The following ACKR2 variants were observed in gnomAD, a reference collection of about 807,000 sequenced individuals.
ACKR2 encodes atypical chemokine receptor 2.
For synonymous variants in ACKR2, 207 were observed against 192.2 expected (o/e 1.08, Z -0.64); for missense variants, 457 against 477.3 (o/e 0.96, Z 0.40).
chr3:42,865,181 A>T lies in ACKR2; in HGVS notation c.679A>T (p.Ile227Phe), dbSNP rs2088423321. 6.2e-7 allele frequency: 1 copy of T among 1,613,720 alleles called. No homozygotes were observed. The highest frequency in any genetic ancestry group is 1.1e-5 in the South Asian group (1 of 91,052). Residue 227 changes from isoleucine to phenylalanine, a missense_variant, in exon 3 of 3, where the codon ATC (isoleucine) becomes TTC (phenylalanine). By Grantham distance (21) the Ile-to-Phe change is conservative. Transcript: ENST00000422265. ...LGFLLPLLAM[I>F]FFYSRIGCVL... ...GTTTCTCCTTCCACTCCTTGCCATGATCTTCTTCTACTCCCGTATTGGTTG... is the reference window on the plus strand; with the variant it reads ...GTTTCTCCTTCCACTCCTTGCCATGTTCTTCTTCTACTCCCGTATTGGTTG...
chr3:42,822,813 CAAAAA>C (rs71072739), intron 2 of ACKR2, among the ~76,000 whole-genome samples: 6 of 81,892 alleles, frequency 7.3e-5, no homozygotes, highest in Non-Finnish European at 8.6e-5. Context: ...GACTCCAGCT[CAAAAA>C]AAAAAAAAAA....
intron 2 of ACKR2, among the ~76,000 whole-genome samples, chr3:42,828,100 T>A (rs1021150926): frequency 2.9e-5 from 4 of 136,764 alleles, no homozygotes; most frequent in African/African-American, 5.4e-5. Flanking sequence ...ATATTTTTTT[T>A]TTTTTCTTTT....
intron 2 of ACKR2, among the ~76,000 whole-genome samples, chr3:42,840,212 A>G (rs560435803): frequency 7.1e-6 from 1 of 140,302 alleles, no homozygotes; most frequent in South Asian, 2.4e-4. Flanking sequence ...GTGAGCTGAG[A>G]TCGCGCCAAT....
chr3:42,822,743 G>T (rs1307715159), intron 2 of ACKR2, among the ~76,000 whole-genome samples: 1 of 140,284 alleles, frequency 7.1e-6, no homozygotes, highest in Non-Finnish European at 1.5e-5. Context: ...TCCCAGCCCA[G>T]CTACTTGGGA....
chr3:42,821,644 T>C (rs2125604643), intron 2 of ACKR2, among the ~76,000 whole-genome samples: 1 of 152,278 alleles, frequency 6.6e-6, no homozygotes, highest in African/African-American at 2.4e-5. Flanking sequence ...CCTCTCTATC[T>C]TTTCTTTTTG....
intron 2 of ACKR2, among the ~76,000 whole-genome samples, chr3:42,822,867 C>CCAATCTG (rs1197469148): frequency 6.6e-6 from 1 of 150,704 alleles, no homozygotes; most frequent in East Asian, 1.9e-4. Flanking sequence ...AATTGTTATT[C>CCAATCTG]CAATCTGCCC....
intron 1 of ACKR2, among the ~76,000 whole-genome samples, chr3:42,812,768 C>T (rs1043677415): frequency 1.6e-5 from 2 of 121,734 alleles, no homozygotes; most frequent in African/African-American, 3.1e-5. Flanking sequence ...CTGACTTCAA[C>T]CTCCACCTCC....
chr3:42,817,385 G>T (rs182018718), intron 1 of ACKR2, among the ~76,000 whole-genome samples: 9 of 152,112 alleles, frequency 5.9e-5, no homozygotes, highest in African/African-American at 2.2e-4. Flanking sequence ...TTTTCACAGA[G>T]AGCATTGAAA....
chr3:42,842,693 G>A (rs1004542948), intron 2 of ACKR2, among the ~76,000 whole-genome samples: 2 of 152,138 alleles, frequency 1.3e-5, no homozygotes, highest in Non-Finnish European at 2.9e-5. Context: ...AGCAGGTTAT[G>A]AAATCAGTTA....
At chr3:42,838,099 T>G (rs1013456879) in intron 2 of ACKR2, among the ~76,000 whole-genome samples, 3 of 151,896 alleles carry the variant, frequency 2.0e-5, no homozygotes, top group African/African-American at 7.3e-5. Context: ...GGAGAAAACA[T>G]AAGAGAAAAA....
chr3:42,834,092 G>C (rs1700960630), intron 2 of ACKR2, among the ~76,000 whole-genome samples: 1 of 152,138 alleles, frequency 6.6e-6, no homozygotes, highest in Non-Finnish European at 1.5e-5. Context: ...CCGAGTAGCT[G>C]GGATTACAGG....
chr3:42,841,183 A>G lies in ACKR2; in HGVS notation c.-38+21472A>G, dbSNP rs117768397. 7.5e-4 allele frequency among the ~76,000 whole-genome samples: 114 copies of G among 152,376 alleles called. No homozygotes were observed. In the East Asian group the frequency reaches 0.02, roughly 27 times the overall value. ...CCAAGTTTTAAAAAAATTATAGTAT[A>G]GCGTGTGCTATTTATGTGTATCTTT... is the stretch of plus-strand genomic sequence containing the variant. On this transcript the variant is annotated intron_variant, in intron 2 of 2. Transcript: ENST00000422265.
chr3:42,860,414 A>G (rs1298289733), intron 2 of ACKR2, among the ~76,000 whole-genome samples: 1 of 152,044 alleles, frequency 6.6e-6, no homozygotes, highest in Non-Finnish European at 1.5e-5. Flanking sequence ...AGACTTTAAC[A>G]CCCCACTGTC....
At position 42,856,475 on chromosome 3, in the gene ACKR2, A is replaced by G. The variant is rs1263832152; in HGVS notation, c.-37-7991A>G. Reference sequence around the variant, plus strand: ...CAACATTTCTTTCGAAGTCTGCCTGAAAAAAGGGGATAAAACTTTTATCAG... The same window carrying G: ...CAACATTTCTTTCGAAGTCTGCCTGGAAAAAGGGGATAAAACTTTTATCAG... On this transcript the variant is annotated intron_variant, in intron 2 of 2. Transcript: ENST00000422265. 5 of 695,230 alleles carry G rather than the reference A, an allele frequency of 7.2e-6. No homozygotes were observed. In the South Asian group the frequency reaches 7.6e-5, roughly 11 times the overall value. The allele number at this position is 695,230 out of a possible 1,614,324, so 43.1% of individuals were successfully genotyped here.
chr3:42,825,606 T>C (rs1035022742), intron 2 of ACKR2, among the ~76,000 whole-genome samples: 14 of 142,580 alleles, frequency 9.8e-5, no homozygotes, highest in Middle Eastern at 3.6e-3. Context: ...TGTGTGCGTG[T>C]GTGTGTGTGT....
chr3:42,819,812 C>T (rs1322366959), intron 2 of ACKR2, 101 bp downstream of exon 2: 1 of 152,422 alleles, frequency 6.6e-6, no homozygotes, highest in South Asian at 2.1e-4. Flanking sequence ...AGCCCTCCTG[C>T]TCACCCACCA....
chr3:42,817,022 G>C lies in ACKR2; in HGVS notation c.-118-2609G>C, dbSNP rs565378906. The stretch of plus-strand genomic sequence containing the variant: ...TTTGAATAACAGCTTAAATGCTTAT[G>C]GACATTATGACCTTGAACACGTTAT... On this transcript the variant is annotated intron_variant, in intron 1 of 2. Transcript: ENST00000422265. 2.0e-5 allele frequency among the ~76,000 whole-genome samples: 3 copies of C among 152,210 alleles called. No individual in the cohort carries two copies. In the East Asian group the frequency reaches 5.8e-4, roughly 29 times the overall value.
At chr3:42,818,926 A>T (rs1700781575) in intron 1 of ACKR2, among the ~76,000 whole-genome samples, 1 of 151,472 alleles carries the variant, frequency 6.6e-6, no homozygotes, top group Non-Finnish European at 1.5e-5. Context: ...TAAAAAATGG[A>T]TCTTGGATTC....
Position 42,852,143 on chromosome 3 carries a change from G to A in ACKR2, c.-37-12323G>A, listed in dbSNP as rs1368612051. ...ATCAGAGAGGTTAAATAATGAGCTCGGAGTTGCACAGCCATTAAGAAGTGA... is the reference window on the plus strand; with the variant it reads ...ATCAGAGAGGTTAAATAATGAGCTCAGAGTTGCACAGCCATTAAGAAGTGA... On this transcript the variant is annotated intron_variant, in intron 2 of 2. Transcript: ENST00000422265. The surrounding 1 kb of genome is among the most constrained non-coding windows in gnomAD (Gnocchi z 4.3). Among the ~76,000 whole-genome samples the A allele has an allele frequency of 2.6e-5, 4 of 152,154 alleles. No individual in the cohort carries two copies. Among genetic ancestry groups the A allele is most frequent in the Non-Finnish European group, 5.9e-5 (4 of 68,044 alleles).
Sources: gnomAD v4.1 joint callset for allele counts (sites outside exome capture counted in the v4.1 genomes callset) on GRCh38, gnomAD v4.1.1 for gene constraint, Gnocchi (gnomAD v3.1) non-coding constraint, MANE v1.5 for transcripts, NCBI Gene and HGNC (gene_info 2026-07-23, HGNC 2026-07-21) for gene names.